Variants in FILIP1 observed in about 807,000 individuals in gnomAD.
FILIP1 encodes filamin-A-interacting protein 1.
FILIP1 carries 61 observed loss-of-function variants against 102.1 expected under a neutral mutation model. The ratio of observed to expected loss-of-function variants is 0.60; its 90% CI spans 0.49 to 0.74. FILIP1 has a LOEUF of 0.74. Ranked by LOEUF, FILIP1 falls within the 30% of genes least tolerant of loss-of-function variation. The pLI is 0.00. For synonymous variants in FILIP1, 491 were observed against 526.9 expected (o/e 0.93, Z 0.93); for missense variants, 1,314 against 1,441.2 (o/e 0.91, Z 1.43).
Position 75,308,538 on chromosome 6 carries a change from A to T in FILIP1, c.*153T>A. ...CCCCAGCATCAAAACAAATGCACAA[A>T]ATGGGAAAGACAAATGGTTATTAGT... is the stretch of plus-strand genomic sequence containing the variant. On this transcript the variant is annotated 3_prime_UTR_variant, in exon 6 of 6. Transcript: ENST00000237172. 6.9e-7 allele frequency: 1 copy of T among 1,458,288 alleles called. No homozygotes were observed. The highest frequency in any genetic ancestry group is 1.4e-5 in the South Asian group (1 of 69,340). 90.3% of individuals were successfully genotyped at this position (1,458,288 alleles called of 1,614,324 possible).
chr6:75,430,662 A>G (rs1248297984), intron 1 of FILIP1, among the ~76,000 whole-genome samples: 4 of 152,236 alleles, frequency 2.6e-5, no homozygotes, highest in African/African-American at 4.8e-5. Flanking sequence ...TAGTGGTCTC[A>G]TATCTGAGGA....
In FILIP1 at chr6:75,342,960, G is replaced by A. The variant is rs1319025209; in HGVS notation, c.629+10579C>T. On this transcript the variant is annotated intron_variant, in intron 4 of 5. Transcript: ENST00000237172. The stretch of plus-strand genomic sequence containing the variant: ...AACCACAAGTTTTGCCTTTCTCTTC[G>A]ACAAAGACTAAATTGTGCCCCCCAA... Among the ~76,000 whole-genome samples, 6 of 152,136 alleles carry A rather than the reference G, an allele frequency of 3.9e-5. No individual in the cohort carries two copies. In the East Asian group the frequency reaches 7.7e-4, roughly 20 times the overall value.
rs950134877 is a variant in FILIP1, at chr6:75,419,952, G to A, written c.-6-4974C>T. ...TCATCCCATTTATGCAACAAGCCAC[G>A]TAAAATATTTGTTTTACTTCTAATT... On this transcript the variant is annotated intron_variant, in intron 1 of 5. Transcript: ENST00000237172. 5.3e-5 allele frequency among the ~76,000 whole-genome samples: 8 copies of A among 152,116 alleles called. No homozygotes were observed. In the East Asian group the frequency reaches 7.7e-4, roughly 15 times the overall value.
chr6:75,427,656 A>G (rs1374357590), intron 1 of FILIP1, among the ~76,000 whole-genome samples: 2 of 152,058 alleles, frequency 1.3e-5, no homozygotes, highest in Non-Finnish European at 2.9e-5. Flanking sequence ...TCCTTACTTT[A>G]GACACATTTC....
chr6:75,478,368 T>C (rs768140181), intron 1 of FILIP1, among the ~76,000 whole-genome samples: 1 of 152,192 alleles, frequency 6.6e-6, no homozygotes, highest in African/African-American at 2.4e-5. Context: ...GACCCTGCTG[T>C]CAGTGCAGTG....
intron 2 of FILIP1, among the ~76,000 whole-genome samples, chr6:75,377,578 C>A (rs76799226): frequency 0.022 from 3,369 of 152,266 alleles, 120 homozygotes; most frequent in African/African-American, 0.076. Context: ...ATTACAATTG[C>A]GCCTTTCTCC....
In FILIP1 at chr6:75,308,914, A is replaced by T. The variant is rs184559007; in HGVS notation, c.3436-17T>A. 3.1e-6 allele frequency: 5 copies of T among 1,613,218 alleles called. No homozygotes were observed. The highest frequency in any genetic ancestry group is 3.3e-4 in the Middle Eastern group (2 of 6,052). The stretch of plus-strand genomic sequence containing the variant: ...TTGTCCTGACTGTAAGAGAGAAAAT[A>T]CGTAGATACAAGGGAGATGTTGGTG... On this transcript the variant is annotated splice_polypyrimidine_tract_variant and intron_variant, in intron 5 of 5. Transcript: ENST00000237172.
rs144187110 is a variant in FILIP1, at chr6:75,409,061, T to A, written c.276+5636A>T. ...AATTTCTCTTACCTAAAAAGTTTCATCTTTTCACAAAATAGCTTCAGCCTG... is the reference window on the plus strand; with the variant it reads ...AATTTCTCTTACCTAAAAAGTTTCAACTTTTCACAAAATAGCTTCAGCCTG... On this transcript the variant is annotated intron_variant, in intron 2 of 5. Transcript: ENST00000237172. Among the ~76,000 whole-genome samples the A allele has an allele frequency of 7.6e-3, 1,159 of 152,334 alleles. 9 individuals carry two copies. The highest frequency in any genetic ancestry group is 0.02 in the Middle Eastern group (6 of 294).
intron 2 of FILIP1, among the ~76,000 whole-genome samples, chr6:75,396,279 GT>G (rs1169672851): frequency 6.6e-6 from 1 of 151,526 alleles, no homozygotes; most frequent in Non-Finnish European, 1.5e-5. Flanking sequence ...GACTTGATCA[GT>G]TTTGTATTTT....
intron 6 of FILIP1, among the ~76,000 whole-genome samples, chr6:75,296,350 T>C (rs1772671275): frequency 7.0e-6 from 1 of 143,220 alleles, no homozygotes; most frequent in Non-Finnish European, 1.5e-5. Context: ...TTTGTGTGTG[T>C]GTGTGTGTGT....
intron 4 of FILIP1, among the ~76,000 whole-genome samples, chr6:75,350,477 A>G (rs1582382238): frequency 6.7e-6 from 1 of 148,328 alleles, no homozygotes; most frequent in African/African-American, 2.5e-5. Context: ...TAATTGTTTT[A>G]ATAAAATTAA....
At chr6:75,311,850 A>T (rs559779187) in intron 5 of FILIP1, among the ~76,000 whole-genome samples, 6 of 152,342 alleles carry the variant, frequency 3.9e-5, no homozygotes, top group African/African-American at 1.4e-4. Context: ...GCAAGATATG[A>T]TTAAATAAAA....
chr6:75,453,037 G>A (rs1349997082), intron 1 of FILIP1, among the ~76,000 whole-genome samples: 1 of 152,148 alleles, frequency 6.6e-6, no homozygotes, highest in African/African-American at 2.4e-5. Context: ...TTCCAGCAAG[G>A]CAAGGGACTG....
intron 4 of FILIP1, among the ~76,000 whole-genome samples, chr6:75,324,090 C>A (rs777747657): frequency 6.6e-6 from 1 of 152,090 alleles, no homozygotes; most frequent in Admixed American, 6.5e-5. Flanking sequence ...TGGACTAATA[C>A]AGGAAGTCAA....
chr6:75,468,213 G>A (rs1779226567), intron 1 of FILIP1, among the ~76,000 whole-genome samples: 1 of 152,160 alleles, frequency 6.6e-6, no homozygotes, highest in Admixed American at 6.5e-5. Flanking sequence ...GCCTGCCGGA[G>A]CACATAGAAC....
At chr6:75,370,535 T>C (rs1379313143) in intron 2 of FILIP1, among the ~76,000 whole-genome samples, 3 of 151,646 alleles carry the variant, frequency 2.0e-5, no homozygotes, top group African/African-American at 7.3e-5. Context: ...TACTCTTTCA[T>C]CTGATATATT....
chr6:75,467,859 G>A (rs994813315), intron 1 of FILIP1, among the ~76,000 whole-genome samples: 1 of 152,148 alleles, frequency 6.6e-6, no homozygotes, highest in Non-Finnish European at 1.5e-5. Context: ...ACAAGAGGGA[G>A]GCCTAAGACA....
chr6:75,377,922 G>C (rs1016164104), intron 2 of FILIP1, among the ~76,000 whole-genome samples: 2 of 152,186 alleles, frequency 1.3e-5, no homozygotes, highest in African/African-American at 4.8e-5. Flanking sequence ...AGAAGAAATA[G>C]AAGTGAACAA....
intron 4 of FILIP1, among the ~76,000 whole-genome samples, chr6:75,349,810 T>G (rs373357947): frequency 6.6e-6 from 1 of 152,146 alleles, no homozygotes; most frequent in Non-Finnish European, 1.5e-5. Flanking sequence ...GTCCGTGGTC[T>G]CCGCTGGGGA....
Sources: gnomAD v4.1 joint callset for allele counts (sites outside exome capture counted in the v4.1 genomes callset) on GRCh38, gnomAD v4.1.1 for gene constraint, MANE v1.5 for transcripts, NCBI Gene and HGNC (gene_info 2026-07-23, HGNC 2026-07-21) for gene names.